The following MIB1 variants were observed in gnomAD, a reference collection of about 807,000 sequenced individuals.
MIB1 encodes MIB E3 ubiquitin protein ligase 1, also known as E3 ubiquitin-protein ligase MIB1.
MIB1 carries 278 observed loss-of-function variants against 124.5 expected under a neutral mutation model. The observed-to-expected ratio is 2.23, with a 90% CI of 2.02 to 2.47. MIB1 has a LOEUF of 2.47. Ranked by LOEUF, MIB1 falls within the 30% of genes most tolerant of loss-of-function variation. MIB1 has a pLI of 0.00. For missense variants in MIB1, 957 were observed against 1,254.4 expected (o/e 0.76, Z 3.58); for synonymous variants, 446 against 429.4 (o/e 1.04, Z -0.48).
chr18:21,742,376 T>C (rs776617583), intron 1 of MIB1, among the ~76,000 whole-genome samples: 1 of 152,158 alleles, frequency 6.6e-6, no homozygotes, highest in Non-Finnish European at 1.5e-5. Context: ...ATCCAAATTG[T>C]TCTATTTTAT....
At chr18:21,820,166 T>G (rs1432099243) in intron 12 of MIB1, among the ~76,000 whole-genome samples, 1 of 152,230 alleles carries the variant, frequency 6.6e-6, no homozygotes, top group African/African-American at 2.4e-5. Context: ...AGACTCCTTT[T>G]GGAGAATCAC....
chr18:21,848,875 C>A (rs987016202), intron 16 of MIB1, among the ~76,000 whole-genome samples: 1 of 152,120 alleles, frequency 6.6e-6, no homozygotes, highest in Non-Finnish European at 1.5e-5. Flanking sequence ...TATATAGATA[C>A]AACAGGTTCT....
intron 10 of MIB1, among the ~76,000 whole-genome samples, chr18:21,807,162 G>A (rs1030576990): frequency 2.6e-5 from 4 of 152,210 alleles, no homozygotes; most frequent in African/African-American, 9.6e-5. Context: ...CAAATGCACT[G>A]ATTCACATCT....
At chr18:21,803,251 A>G (rs1372087881) in intron 9 of MIB1, among the ~76,000 whole-genome samples, 1 of 152,202 alleles carries the variant, frequency 6.6e-6, no homozygotes, top group Non-Finnish European at 1.5e-5. Flanking sequence ...TGGCCAAGCT[A>G]CCATCTTTAA....
intron 6 of MIB1, among the ~76,000 whole-genome samples, chr18:21,785,682 T>C (rs966116396): frequency 6.7e-6 from 1 of 150,170 alleles, no homozygotes; most frequent in East Asian, 1.9e-4. Context: ...TCTGAATCTG[T>C]CTGTGTAATT....
chr18:21,842,363 A>G (rs2042098857), intron 13 of MIB1, among the ~76,000 whole-genome samples: 2 of 152,140 alleles, frequency 1.3e-5, no homozygotes, highest in African/African-American at 4.8e-5. Context: ...AAATTTTTAA[A>G]TTATGCTAGA....
chr18:21,806,375 A>C (rs1316798102), intron 10 of MIB1, among the ~76,000 whole-genome samples: 1 of 151,632 alleles, frequency 6.6e-6, no homozygotes, highest in Non-Finnish European at 1.5e-5. Flanking sequence ...TAATTTTTAA[A>C]AATTTTTATA....
intron 20 of MIB1, among the ~76,000 whole-genome samples, chr18:21,861,894 A>G (rs994558624): frequency 6.6e-6 from 1 of 151,914 alleles, no homozygotes; most frequent in Non-Finnish European, 1.5e-5. Flanking sequence ...AACATTATCA[A>G]TCTATTTTGC....
intron 10 of MIB1, among the ~76,000 whole-genome samples, chr18:21,812,632 C>T (rs1485024409): frequency 2.0e-5 from 3 of 152,012 alleles, no homozygotes; most frequent in African/African-American, 7.2e-5. Flanking sequence ...TTTTGTTGAC[C>T]ATATGGTCTG....
rs551367456 is a variant in MIB1 at position 21,732,512 on chromosome 18, T to G, written n.167+27389T>G. Among the ~76,000 whole-genome samples, 5 of 151,954 alleles carry G rather than the reference T, an allele frequency of 3.3e-5. No homozygotes were observed. The East Asian group carries it at 9.7e-4, about 30-fold the overall frequency. On this transcript the variant is annotated intron_variant and non_coding_transcript_variant, in intron 1 of 20. Coordinates refer to the MIB1 transcript ENST00000578646. The stretch of plus-strand genomic sequence containing the variant: ...CCTGGGCTTAAATGATCCTTCCACC[T>G]CAGCCTCCTGAGTAGCTGGGACCAC...
chr18:21,710,361 T>C (rs1311604179), intron 1 of MIB1, among the ~76,000 whole-genome samples: 1 of 152,112 alleles, frequency 6.6e-6, no homozygotes, highest in East Asian at 1.9e-4. Flanking sequence ...TCCAGAGTTC[T>C]GGGATTACAG....
intron 1 of MIB1, among the ~76,000 whole-genome samples, chr18:21,743,889 TATC>T (rs2040883920): frequency 6.6e-6 from 1 of 152,286 alleles, no homozygotes; most frequent in Non-Finnish European, 1.5e-5. Context: ...ATAGTTTTAT[TATC>T]TTAATATAAA....
At chr18:21,786,442 C>G (rs1217769528) in intron 6 of MIB1, among the ~76,000 whole-genome samples, 1 of 152,118 alleles carries the variant, frequency 6.6e-6, no homozygotes, top group African/African-American at 2.4e-5. Flanking sequence ...GATTTCTGAC[C>G]TTGCTGTACA....
upstream of MIB1, among the ~76,000 whole-genome samples, chr18:21,739,440 A>T (rs2040817367): frequency 6.6e-6 from 1 of 152,154 alleles, no homozygotes; most frequent in African/African-American, 2.4e-5. Context: ...CGTAAAACTC[A>T]TTTTACGAGG....
chr18:21,764,762 C>A (rs1463733365), intron 1 of MIB1, among the ~76,000 whole-genome samples: 2 of 151,776 alleles, frequency 1.3e-5, no homozygotes, highest in African/African-American at 4.8e-5. Context: ...AACAAAAAAA[C>A]CCCACATTAT....
chr18:21,791,754 C>T (rs1001548526), intron 7 of MIB1, among the ~76,000 whole-genome samples, 197 bp downstream of exon 7: 1 of 152,140 alleles, frequency 6.6e-6, no homozygotes, highest in African/African-American at 2.4e-5. Flanking sequence ...GAAAAGGTTA[C>T]AGTTAATATT....
rs556228595 is a variant in MIB1, at chr18:21,755,735, T to C, written c.230-10037T>C. On this transcript the variant is annotated intron_variant, in intron 1 of 20. Transcript: ENST00000261537. Reference sequence around the variant, plus strand: ...CAGCAGATAGTCCAGACATTCATTTTTGGCTTTGGAATACTTATTTATTTA... The same window carrying C: ...CAGCAGATAGTCCAGACATTCATTTCTGGCTTTGGAATACTTATTTATTTA... Among the ~76,000 whole-genome samples, 3 of 152,250 alleles carry C rather than the reference T, an allele frequency of 2.0e-5. No individual in the cohort carries two copies. In the South Asian group the frequency reaches 6.2e-4, roughly 31 times the overall value.
chr18:21,849,451 A>G (rs2042163684), intron 17 of MIB1, 63 bp downstream of exon 17: 1 of 962,080 alleles, frequency 1.0e-6, no homozygotes. Flanking sequence ...TTAATGATAA[A>G]TAAGATTTAA....
intron 1 of MIB1, among the ~76,000 whole-genome samples, chr18:21,708,035 C>T (rs957666695): frequency 6.6e-6 from 1 of 152,088 alleles, no homozygotes; most frequent in Non-Finnish European, 1.5e-5. Flanking sequence ...TCATAGGGAC[C>T]CTGTCCTCAT....
Sources: gnomAD v4.1 joint callset for allele counts (sites outside exome capture counted in the v4.1 genomes callset) on GRCh38, gnomAD v4.1.1 for gene constraint, MANE v1.5 for transcripts, NCBI Gene and HGNC (gene_info 2026-07-23, HGNC 2026-07-21) for gene names.